The following MAGI2 variants were observed in gnomAD, a reference collection of about 807,000 sequenced individuals.
MAGI2 encodes the protein membrane associated guanylate kinase, WW and PDZ domain containing 2, also known as membrane-associated guanylate kinase, WW and PDZ domain-containing protein 2.
A neutral mutation model predicts 133.3 loss-of-function variants in MAGI2; 35 were observed. The ratio of observed to expected loss-of-function variants is 0.26; its 90% CI spans 0.20 to 0.35. The LOEUF is 0.35. Among genes scored for constraint, MAGI2 ranks in the 10% least tolerant of loss-of-function variants. The pLI is 1.00. For missense variants in MAGI2, 1,636 were observed against 1,863.4 expected, an observed-to-expected ratio of 0.88 and a Z score of 2.25; for synonymous variants, 729 against 710.6, an observed-to-expected ratio of 1.03 and a Z score of -0.41.
At position 79,228,354 on chromosome 7, in the gene MAGI2, C is replaced by CAAAAAAA. The variant is rs746424350; in HGVS notation, c.302-221155_302-221149dup. ...CAAGACCCTGTCTCAAAAAAACAGGCAAAAAAAAAAAAAAAAGATCGTGGG... is the reference window on the plus strand; with the variant it reads ...CAAGACCCTGTCTCAAAAAAACAGGCAAAAAAAAAAAAAAAAAAAAAAAGATCGTGGG... On this transcript the variant is annotated intron_variant, in intron 1 of 21. Coordinates refer to ENST00000354212, the MANE Select transcript of MAGI2 (RefSeq NM_012301.4). 2.0e-3 allele frequency among the ~76,000 whole-genome samples: 64 copies of CAAAAAAA among 31,440 alleles called. 8 individuals are homozygous for CAAAAAAA. Among genetic ancestry groups the CAAAAAAA allele is most frequent in the Non-Finnish European group, 3.2e-3 (41 of 12,672 alleles). The allele number at this position is 31,440 out of a possible 152,430, so 20.6% of individuals were successfully genotyped here.
intron 4 of MAGI2, among the ~76,000 whole-genome samples, chr7:78,502,255 G>A (rs887973106): frequency 2.0e-5 from 3 of 152,258 alleles, no homozygotes; most frequent in Non-Finnish European, 2.9e-5. Context: ...AGTGAAAAAA[G>A]TCAGCAGAAA....
intron 7 of MAGI2, among the ~76,000 whole-genome samples, chr7:78,364,811 G>A (rs1470107879): frequency 6.6e-6 from 1 of 152,204 alleles, no homozygotes; most frequent in East Asian, 1.9e-4. Context: ...TCTCCATTTT[G>A]CATATTGTTA....
chr7:79,414,287 T>G (rs1190849322), intron 1 of MAGI2: 1 of 152,170 alleles, frequency 6.6e-6, no homozygotes, highest in Non-Finnish European at 1.5e-5. Context: ...TGGCTTTGGT[T>G]GCACTTGACC....
chr7:79,026,097 C>T (rs1584720757), intron 1 of MAGI2, among the ~76,000 whole-genome samples: 1 of 152,166 alleles, frequency 6.6e-6, no homozygotes, highest in African/African-American at 2.4e-5. Flanking sequence ...TGAAAATTCA[C>T]TTTTAGACAT....
At chr7:79,249,713 A>G (rs1383040112) in intron 1 of MAGI2, among the ~76,000 whole-genome samples, 1 of 152,202 alleles carries the variant, frequency 6.6e-6, no homozygotes, top group Non-Finnish European at 1.5e-5. Context: ...AAATGTTATC[A>G]AACATATAAG....
At chr7:78,053,784 G>A (rs951121778) in intron 21 of MAGI2, among the ~76,000 whole-genome samples, 3 of 152,162 alleles carry the variant, frequency 2.0e-5, no homozygotes, top group Non-Finnish European at 4.4e-5. Context: ...ACAAAAACGC[G>A]AAGTGAGAAA....
chr7:78,840,007 G>A (rs995011419), intron 2 of MAGI2, among the ~76,000 whole-genome samples: 20 of 151,920 alleles, frequency 1.3e-4, no homozygotes, highest in South Asian at 6.2e-4. Flanking sequence ...GTCAGCTACC[G>A]TCTTTTATTT....
chr7:78,177,843 T>C (rs1350741095), intron 14 of MAGI2, among the ~76,000 whole-genome samples, 168 bp downstream of exon 14: 1 of 152,090 alleles, frequency 6.6e-6, no homozygotes, highest in East Asian at 1.9e-4. Context: ...CTGCATGTCG[T>C]GAGATCTTTT....
rs1004121308 is a variant in MAGI2 at position 78,305,175 on chromosome 7, C to T, written c.1408+38603G>A. On this transcript the variant is annotated intron_variant, in intron 9 of 21. Transcript: ENST00000354212. ...TCACTATTCGGAACCCCTTAACATGCCCCACGTGTTTTGCCTTTCTTGTCT... is the reference window on the plus strand; with the variant it reads ...TCACTATTCGGAACCCCTTAACATGTCCCACGTGTTTTGCCTTTCTTGTCT... Among the ~76,000 whole-genome samples, 81 of 152,244 alleles carry T rather than the reference C, an allele frequency of 5.3e-4. 2 individuals carry two copies. Among genetic ancestry groups the T allele is most frequent in the Non-Finnish European group, 4.6e-4 (31 of 68,018 alleles).
At chr7:79,377,525 C>T (rs1483325586) in intron 1 of MAGI2, among the ~76,000 whole-genome samples, 1 of 151,840 alleles carries the variant, frequency 6.6e-6, no homozygotes, top group African/African-American at 2.4e-5. Flanking sequence ...AAGCCACGTT[C>T]TTACATTTCA....
chr7:78,402,411 A>G (rs9297146), intron 6 of MAGI2, among the ~76,000 whole-genome samples: 2 of 146,798 alleles, frequency 1.4e-5, no homozygotes, highest in East Asian at 2.0e-4. Flanking sequence ...TGGGGCATGT[A>G]TGTTTCCACC....
intron 2 of MAGI2, among the ~76,000 whole-genome samples, chr7:78,785,661 T>C (rs1826756928): frequency 6.6e-6 from 1 of 152,348 alleles, no homozygotes; most frequent in Non-Finnish European, 1.5e-5. Flanking sequence ...GAGAAAGCCA[T>C]ACTATTTATT....
At chr7:78,369,836 TCA>T (rs1238326442) in intron 6 of MAGI2, among the ~76,000 whole-genome samples, 8 of 151,586 alleles carry the variant, frequency 5.3e-5, no homozygotes, top group Middle Eastern at 6.3e-3. Flanking sequence ...TAATTTTAAT[TCA>T]CACACACACA....
Position 78,515,440 on chromosome 7 carries a change from A to G in MAGI2, c.754+5990T>C, listed in dbSNP as rs375622838. Among the ~76,000 whole-genome samples the G allele has an allele frequency of 1.4e-4, 21 of 152,292 alleles. No homozygotes were observed. In the East Asian group the frequency reaches 3.7e-3, roughly 27 times the overall value. On this transcript the variant is annotated intron_variant, in intron 4 of 21. Coordinates refer to ENST00000354212, the MANE Select transcript of MAGI2 (RefSeq NM_012301.4). The stretch of plus-strand genomic sequence containing the variant: ...TTAGGAAACACTGCATATTGAATAT[A>G]CTGAATAGTGTAAAATGAGCATGAA...
chr7:78,741,417 AC>A (rs1822417889), intron 2 of MAGI2, among the ~76,000 whole-genome samples: 22 of 126,482 alleles, frequency 1.7e-4, no homozygotes, highest in Admixed American at 7.6e-5. Context: ...ACACACACAC[AC>A]ACACACACAC....
chr7:78,439,153 T>C (rs1218063145), intron 6 of MAGI2, among the ~76,000 whole-genome samples: 1 of 152,170 alleles, frequency 6.6e-6, no homozygotes, highest in Non-Finnish European at 1.5e-5. Flanking sequence ...AGCACTGAGT[T>C]AAAGAACAGT....
intron 1 of MAGI2, among the ~76,000 whole-genome samples, chr7:79,381,147 A>ATG (rs10672195): frequency 0.5 from 75,902 of 151,230 alleles, 20,524 homozygotes; most frequent in African/African-American, 0.71. Context: ...CTCAGCTCAG[A>ATG]TTAAACTGTA....
At chr7:78,634,491 T>G (rs148127566) in intron 2 of MAGI2, among the ~76,000 whole-genome samples, 2 of 152,280 alleles carry the variant, frequency 1.3e-5, no homozygotes, top group Non-Finnish European at 2.9e-5. Flanking sequence ...AGAAAGCAAT[T>G]GGAAATCTGT....
chr7:78,344,069 G>T (rs939047790), intron 8 of MAGI2, 109 bp from the exon 9 acceptor site: 2 of 940,532 alleles, frequency 2.1e-6, no homozygotes, highest in African/African-American at 3.4e-5. Context: ...TAAATGTGGG[G>T]GGTCTTATAC....
Sources: gnomAD v4.1 joint callset for allele counts (sites outside exome capture counted in the v4.1 genomes callset) on GRCh38, gnomAD v4.1.1 for gene constraint, MANE v1.5 for transcripts, NCBI Gene and HGNC (gene_info 2026-07-23, HGNC 2026-07-21) for gene names.